The following DLEU7 variants were observed in gnomAD, a reference collection of about 807,000 sequenced individuals.
DLEU7 encodes leukemia-associated protein 7.
DLEU7 carries 17 observed loss-of-function variants against 16.0 expected under a neutral mutation model. The observed-to-expected ratio is 1.06, with a 90% CI of 0.73 to 1.59. The LOEUF is 1.59. Among genes scored for constraint, DLEU7 ranks in the 40% most tolerant of loss-of-function variants. DLEU7 has a pLI of 0.00. For synonymous variants in DLEU7, 113 were observed against 139.8 expected, an observed-to-expected ratio of 0.81 and a Z score of 1.35; for missense variants, 308 against 314.9, an observed-to-expected ratio of 0.98 and a Z score of 0.17.
At chr13:50,733,747 T>C (rs1873986418) in intron 1 of DLEU7, among the ~76,000 whole-genome samples, 1 of 152,188 alleles carries the variant, frequency 6.6e-6, no homozygotes, top group African/African-American at 2.4e-5. Context: ...AAAATAATAA[T>C]AGTAACTTCC....
At chr13:50,836,456 C>T (rs1370265930) in intron 1 of DLEU7, among the ~76,000 whole-genome samples, 3 of 152,038 alleles carry the variant, frequency 2.0e-5, no homozygotes, top group South Asian at 2.1e-4. Flanking sequence ...AGGTGGATCA[C>T]GAGGTCAGGA....
At chr13:50,725,286 A>G (rs1378254861) in intron 1 of DLEU7, among the ~76,000 whole-genome samples, 1 of 152,174 alleles carries the variant, frequency 6.6e-6, no homozygotes, top group Non-Finnish European at 1.5e-5. Context: ...GCTCATTGAC[A>G]AAATTAGGAA....
intron 1 of DLEU7, among the ~76,000 whole-genome samples, chr13:50,730,579 T>C (rs1433772184): frequency 2.0e-5 from 3 of 152,164 alleles, no homozygotes; most frequent in African/African-American, 7.2e-5. Flanking sequence ...TCCTGGTGAA[T>C]ATTTCCTTGA....
chr13:50,777,567 A>G (rs1453784361), intron 1 of DLEU7, among the ~76,000 whole-genome samples: 1 of 152,092 alleles, frequency 6.6e-6, no homozygotes, highest in Non-Finnish European at 1.5e-5. Context: ...TCCTTAATAA[A>G]CCCATGTATA....
chr13:50,824,103 C>A (rs1463040633), intron 1 of DLEU7, among the ~76,000 whole-genome samples: 1 of 152,132 alleles, frequency 6.6e-6, no homozygotes, highest in South Asian at 2.1e-4. Context: ...GCCTGTGTTT[C>A]TATTATCCCA....
exon 2 of DLEU7, chr13:50,712,977 G>C (rs943492795): frequency 3.9e-6 from 2 of 518,894 alleles, no homozygotes; most frequent in South Asian, 2.9e-5. Context: ...ATTACTTGGA[G>C]GTGAGAGAGG....
At chr13:50,757,615 A>G (rs1874801145) in intron 1 of DLEU7, among the ~76,000 whole-genome samples, 1 of 152,194 alleles carries the variant, frequency 6.6e-6, no homozygotes, top group Non-Finnish European at 1.5e-5. Flanking sequence ...CATGCTTGTT[A>G]CTGCAATCGA....
intron 1 of DLEU7, among the ~76,000 whole-genome samples, chr13:50,728,163 C>T (rs888082547): frequency 3.3e-5 from 5 of 152,160 alleles, no homozygotes; most frequent in Admixed American, 2.0e-4. Flanking sequence ...CAGGAAGAAG[C>T]TAGTCCTTAG....
chr13:50,807,412 C>T (rs1043100593), intron 1 of DLEU7, among the ~76,000 whole-genome samples: 2 of 152,180 alleles, frequency 1.3e-5, no homozygotes, highest in African/African-American at 4.8e-5. Context: ...CCTCCCTCCT[C>T]CTGCTTCTCT....
At chr13:50,801,667 G>A (rs1001143511) in intron 1 of DLEU7, among the ~76,000 whole-genome samples, 4 of 152,016 alleles carry the variant, frequency 2.6e-5, no homozygotes, top group African/African-American at 9.7e-5. Flanking sequence ...GAGCATATAT[G>A]TAGATTCTGG....
chr13:50,734,866 T>C (rs1480979756), intron 1 of DLEU7, among the ~76,000 whole-genome samples: 3 of 152,134 alleles, frequency 2.0e-5, no homozygotes, highest in African/African-American at 7.2e-5. Context: ...AGTAATAAAC[T>C]TCAAACAAAA....
At chr13:50,792,432 T>G (rs931212534) in intron 1 of DLEU7, among the ~76,000 whole-genome samples, 8 of 152,294 alleles carry the variant, frequency 5.3e-5, no homozygotes, top group Non-Finnish European at 1.2e-4. Context: ...CCAATGCAAC[T>G]TCCCTTTAGC....
chr13:50,809,767 A>G (rs1049209801), intron 1 of DLEU7, among the ~76,000 whole-genome samples: 7 of 152,094 alleles, frequency 4.6e-5, no homozygotes, highest in African/African-American at 1.7e-4. Context: ...GTTCTCCCCA[A>G]ATGCCAGGAG....
At chr13:50,807,253 A>G (rs1195069657) in intron 1 of DLEU7, among the ~76,000 whole-genome samples, 2 of 152,112 alleles carry the variant, frequency 1.3e-5, no homozygotes, top group African/African-American at 4.8e-5. Context: ...ATAAAATGAT[A>G]CTATACCGGC....
At chr13:50,836,866 C>A (rs1877485349) in intron 1 of DLEU7, among the ~76,000 whole-genome samples, 1 of 152,182 alleles carries the variant, frequency 6.6e-6, no homozygotes. Context: ...ACCCTCTACA[C>A]TGGATGTCTA....
chr13:50,756,697 C>T (rs1874769055), intron 1 of DLEU7, among the ~76,000 whole-genome samples: 1 of 152,176 alleles, frequency 6.6e-6, no homozygotes, highest in South Asian at 2.1e-4. Context: ...GGAGTCTACA[C>T]ACCAGATTTG....
At chr13:50,766,688 A>C (rs1221636300) in intron 1 of DLEU7, among the ~76,000 whole-genome samples, 1 of 152,052 alleles carries the variant, frequency 6.6e-6, no homozygotes, top group Non-Finnish European at 1.5e-5. Flanking sequence ...CCAACTGTTC[A>C]TGAGAAATCC....
chr13:50,750,656 T>C (rs1342063266), intron 1 of DLEU7, among the ~76,000 whole-genome samples: 1 of 152,172 alleles, frequency 6.6e-6, no homozygotes, highest in Non-Finnish European at 1.5e-5. Context: ...CCTCCTTGGT[T>C]AGGTATATTC....
intron 1 of DLEU7, among the ~76,000 whole-genome samples, chr13:50,740,294 C>A (rs895230636): frequency 3.3e-5 from 5 of 152,138 alleles, no homozygotes; most frequent in Non-Finnish European, 7.4e-5. Flanking sequence ...CATCTGGAAT[C>A]CTGTGGGCAA....
Sources: gnomAD v4.1 joint callset for allele counts (sites outside exome capture counted in the v4.1 genomes callset) on GRCh38, gnomAD v4.1.1 for gene constraint, MANE v1.5 for transcripts, NCBI Gene and HGNC (gene_info 2026-07-23, HGNC 2026-07-21) for gene names.